The following SLC9A2 variants were observed in gnomAD, a reference collection of about 807,000 sequenced individuals.
SLC9A2 encodes solute carrier family 9 member A2.
SLC9A2 carries 42 observed loss-of-function variants against 71.7 expected under a neutral mutation model. The observed-to-expected ratio is 0.59, with a 90% confidence interval of 0.46 to 0.76. The LOEUF (loss-of-function observed/expected upper bound fraction) is 0.76, where lower values mean the gene tolerates loss of function less well. Among genes scored for constraint, SLC9A2 ranks in the 30% least tolerant of loss-of-function variants. The pLI, the probability that SLC9A2 is intolerant of heterozygous loss-of-function variation, is 0.00. For synonymous variants in SLC9A2, 396 were observed against 392.5 expected (o/e 1.01, Z -0.10); for missense variants, 829 against 1,017.4 (o/e 0.81, Z 2.52).
chr2:102,650,029 G>T (rs145870306), intron 1 of SLC9A2, among the ~76,000 whole-genome samples: 11 of 152,246 alleles, frequency 7.2e-5, no homozygotes, highest in African/African-American at 2.4e-4. Context: ...TGTGTTTCTT[G>T]CATGCAGCGC....
In SLC9A2 at chr2:102,639,823, C is replaced by A. The variant is rs376019745; in HGVS notation, c.290-17741C>A. 9.8e-4 allele frequency among the ~76,000 whole-genome samples: 149 copies of A among 152,184 alleles called. 2 individuals carry two copies. In the South Asian group the frequency reaches 0.029, roughly 30 times the overall value. On this transcript the variant is annotated intron_variant, in intron 1 of 11. Transcript: ENST00000233969. ...ACAGTATTTGTTCTTCTATGTCTGG[C>A]AAAAGTGAACATTTTAAGGAGGAAC...
At chr2:102,700,318 G>C in intron 7 of SLC9A2, among the ~76,000 whole-genome samples, 1 of 152,184 alleles carries the variant, frequency 6.6e-6, no homozygotes, top group Admixed American at 6.5e-5. Flanking sequence ...GCTATTAAAA[G>C]CTAGGAGACT....
intron 5 of SLC9A2, chr2:102,689,858 A>C (rs574905487): frequency 1.3e-5 from 2 of 152,166 alleles, no homozygotes; most frequent in South Asian, 2.1e-4. Flanking sequence ...TCATGTGCTC[A>C]GTTTTGGATG....
intron 1 of SLC9A2, among the ~76,000 whole-genome samples, chr2:102,638,283 A>C (rs1275569920): frequency 6.6e-6 from 1 of 152,234 alleles, no homozygotes; most frequent in Non-Finnish European, 1.5e-5. Context: ...TTAGGGACTC[A>C]GGATCAGTTG....
At chr2:102,660,421 C>T (rs1439730027) in intron 2 of SLC9A2, among the ~76,000 whole-genome samples, 2 of 152,204 alleles carry the variant, frequency 1.3e-5, no homozygotes, top group Non-Finnish European at 2.9e-5. Context: ...CTCTCAAAGC[C>T]AGACCCACAA....
intron 1 of SLC9A2, among the ~76,000 whole-genome samples, chr2:102,645,350 A>G (rs1573405170): frequency 6.6e-6 from 1 of 152,212 alleles, no homozygotes; most frequent in African/African-American, 2.4e-5. Flanking sequence ...AAAAAAAACC[A>G]GTGCAGAAGG....
intron 1 of SLC9A2, among the ~76,000 whole-genome samples, chr2:102,625,794 T>G (rs1676236191): frequency 1.3e-5 from 2 of 152,308 alleles, no homozygotes; most frequent in Admixed American, 1.3e-4. Context: ...TGTGCATGTA[T>G]CTTTATAGCA....
intron 5 of SLC9A2, 30 bp downstream of exon 5, chr2:102,684,366 G>A: frequency 6.3e-7 from 1 of 1,583,982 alleles, no homozygotes; most frequent in Non-Finnish European, 8.7e-7. Context: ...TACCAGGAGG[G>A]TAAAAAATAT....
At chr2:102,654,106 G>A (rs1272335425) in intron 1 of SLC9A2, among the ~76,000 whole-genome samples, 1 of 152,072 alleles carries the variant, frequency 6.6e-6, no homozygotes, top group African/African-American at 2.4e-5. Context: ...CAGGCCCATG[G>A]CAGAAACCCC....
intron 1 of SLC9A2, among the ~76,000 whole-genome samples, chr2:102,636,618 A>T (rs1320760102): frequency 6.6e-6 from 1 of 152,246 alleles, no homozygotes; most frequent in Non-Finnish European, 1.5e-5. Flanking sequence ...GTGTGCAAAC[A>T]GCAAAGCCAA....
At chr2:102,632,912 T>C (rs748148507) in intron 1 of SLC9A2, among the ~76,000 whole-genome samples, 36 of 152,156 alleles carry the variant, frequency 2.4e-4, no homozygotes, top group Non-Finnish European at 4.1e-4. Flanking sequence ...TCCATAGCCA[T>C]ATTTCTGTGA....
At chr2:102,682,298 G>A (rs886721210) in intron 3 of SLC9A2, among the ~76,000 whole-genome samples, 8 of 152,194 alleles carry the variant, frequency 5.3e-5, no homozygotes, top group Admixed American at 2.0e-4. Flanking sequence ...AGTTGATGAG[G>A]TGTAGCATCC....
chr2:102,634,030 C>A (rs892816363), intron 1 of SLC9A2, among the ~76,000 whole-genome samples: 1 of 152,284 alleles, frequency 6.6e-6, no homozygotes, highest in Middle Eastern at 3.4e-3. Flanking sequence ...TTGTCTGGAA[C>A]AAGGCCTGGT....
At chr2:102,685,359 C>T (rs556263600) in intron 5 of SLC9A2, among the ~76,000 whole-genome samples, 3 of 152,306 alleles carry the variant, frequency 2.0e-5, no homozygotes, top group South Asian at 2.1e-4. Context: ...TGAAGCTTGG[C>T]GCTTCTTCAA....
At chr2:102,706,600 C>A (rs1677981608) in intron 11 of SLC9A2, among the ~76,000 whole-genome samples, 1 of 152,088 alleles carries the variant, frequency 6.6e-6, no homozygotes, top group South Asian at 2.1e-4. Context: ...AGAATGAGTT[C>A]AAGAGTTTGC....
At chr2:102,643,386 T>C (rs1676649685) in intron 1 of SLC9A2, among the ~76,000 whole-genome samples, 1 of 152,112 alleles carries the variant, frequency 6.6e-6, no homozygotes. Context: ...GTTTCTTCTG[T>C]GGTGTTTGGC....
chr2:102,704,520 G>A (rs1019090971), intron 9 of SLC9A2, 24 bp from the exon 10 acceptor site: 1 of 1,602,804 alleles, frequency 6.2e-7, no homozygotes. Context: ...GTTTTTTAAT[G>A]TCCTCTATAT....
intron 2 of SLC9A2, among the ~76,000 whole-genome samples, chr2:102,659,621 T>C (rs952866390): frequency 7.9e-5 from 12 of 152,202 alleles, no homozygotes; most frequent in Admixed American, 3.3e-4. Context: ...ATTTGTAGTA[T>C]AGATATTTTA....
chr2:102,694,618 G>C (rs1677718950), intron 6 of SLC9A2, 115 bp downstream of exon 6: 1 of 476,460 alleles, frequency 2.1e-6, no homozygotes, highest in Non-Finnish European at 3.8e-6. Context: ...GGCAGGGTGA[G>C]AGGGAGGAGG....
Sources: gnomAD v4.1 joint callset for allele counts (sites outside exome capture counted in the v4.1 genomes callset) on GRCh38, gnomAD v4.1.1 for gene constraint, MANE v1.5 for transcripts, NCBI Gene and HGNC (gene_info 2026-07-23, HGNC 2026-07-21) for gene names.